The following IQCM variants were observed in gnomAD, a reference collection of about 807,000 sequenced individuals.
The protein encoded by IQCM is IQ motif containing M.
Under a neutral mutation model 57.6 loss-of-function variants are expected in IQCM, and 45 were observed. The ratio of observed to expected loss-of-function variants is 0.78; its 90% CI spans 0.62 to 1.00. The LOEUF (loss-of-function observed/expected upper bound fraction) is 1.00. Ranked by LOEUF, IQCM falls within the 50% of genes least tolerant of loss-of-function variation. The probability of loss-of-function intolerance (pLI) is 0.00; values close to 1 mark genes in which losing one functional copy is unlikely to be tolerated. For synonymous variants in IQCM, 148 were observed against 158.9 expected, an observed-to-expected ratio of 0.93 and a Z score of 0.51; for missense variants, 468 against 511.6, an observed-to-expected ratio of 0.91 and a Z score of 0.82.
intron 8 of IQCM, among the ~76,000 whole-genome samples, chr4:149,606,797 T>G (rs1295839445): frequency 6.6e-6 from 1 of 152,068 alleles, no homozygotes; most frequent in Non-Finnish European, 1.5e-5. Context: ...AGTCCCTCAA[T>G]GCAGAATTGC....
chr4:149,689,492 A>T (rs190956694), intron 5 of IQCM, among the ~76,000 whole-genome samples: 32 of 152,188 alleles, frequency 2.1e-4, no homozygotes, highest in African/African-American at 7.7e-4. Flanking sequence ...ATGTATACCT[A>T]TGTAACAAAC....
At chr4:149,671,233 T>G (rs1360953537) in intron 7 of IQCM, among the ~76,000 whole-genome samples, 1 of 152,180 alleles carries the variant, frequency 6.6e-6, no homozygotes, top group East Asian at 1.9e-4. Context: ...GTCCAGGAAT[T>G]TATCCATTTC....
Position 149,402,776 on chromosome 4 carries a change from A to G in IQCM, c.1390+30620T>C, listed in dbSNP as rs531226138. ...TATGTCGTATAACTATTTAAAATAA[A>G]TTATGCCTTTATTTTTATGGTGCTT... On this transcript the variant is annotated intron_variant, in intron 13 of 13. Transcript: ENST00000636793. Among the ~76,000 whole-genome samples the G allele has an allele frequency of 3.9e-5, 6 of 152,038 alleles. No individual in the cohort carries two copies. In the South Asian group the frequency reaches 1.2e-3, roughly 32 times the overall value.
At chr4:149,525,592 T>C (rs1232735207) in intron 12 of IQCM, among the ~76,000 whole-genome samples, 2 of 151,870 alleles carry the variant, frequency 1.3e-5, no homozygotes, top group Non-Finnish European at 3.0e-5. Context: ...GAAAAATAAG[T>C]TGGACCTCTA....
chr4:149,388,166 TG>T (rs1731558282), intron 13 of IQCM, among the ~76,000 whole-genome samples: 1 of 151,956 alleles, frequency 6.6e-6, no homozygotes, highest in African/African-American at 2.4e-5. Flanking sequence ...AGTTTTATAC[TG>T]ACTTATGTTT....
intron 12 of IQCM, among the ~76,000 whole-genome samples, chr4:149,487,405 T>C (rs932644495): frequency 2.0e-5 from 3 of 152,158 alleles, no homozygotes; most frequent in Non-Finnish European, 2.9e-5. Context: ...GGGGGAGAGA[T>C]GGTGTAAGCA....
intron 8 of IQCM, among the ~76,000 whole-genome samples, chr4:149,589,787 T>A (rs1752962423): frequency 6.6e-6 from 1 of 152,058 alleles, no homozygotes; most frequent in African/African-American, 2.4e-5. Flanking sequence ...CTTTTTTAAA[T>A]GTATGTACAA....
At chr4:149,783,358 CAAAA>C (rs1771789502) in intron 2 of IQCM, among the ~76,000 whole-genome samples, 1 of 152,166 alleles carries the variant, frequency 6.6e-6, no homozygotes, top group African/African-American at 2.4e-5. Flanking sequence ...CAAACGCTCT[CAAAA>C]TTATATCTAG....
At chr4:149,496,967 A>G (rs937198842) in intron 12 of IQCM, among the ~76,000 whole-genome samples, 2 of 152,182 alleles carry the variant, frequency 1.3e-5, no homozygotes, top group Non-Finnish European at 2.9e-5. Context: ...ACAAAAACAA[A>G]TAAGTGTAAT....
At chr4:149,641,540 C>G (rs1466252187) in intron 7 of IQCM, among the ~76,000 whole-genome samples, 1 of 152,022 alleles carries the variant, frequency 6.6e-6, no homozygotes, top group Non-Finnish European at 1.5e-5. Context: ...TGTGTTTTCT[C>G]TTTTTGTAAA....
intron 8 of IQCM, among the ~76,000 whole-genome samples, chr4:149,591,825 GC>G (rs2150009920): frequency 6.6e-6 from 1 of 152,188 alleles, no homozygotes; most frequent in East Asian, 1.9e-4. Context: ...GTGTATATGT[GC>G]CACATTTCCT....
intron 2 of IQCM, among the ~76,000 whole-genome samples, chr4:149,745,833 G>A (rs1250098943): frequency 1.3e-5 from 2 of 152,006 alleles, no homozygotes; most frequent in Non-Finnish European, 2.9e-5. Context: ...TTAGCTGGGT[G>A]GGGTGCATTC....
chr4:149,777,081 G>A (rs1214795954), intron 2 of IQCM, among the ~76,000 whole-genome samples: 2 of 152,054 alleles, frequency 1.3e-5, no homozygotes, highest in East Asian at 3.9e-4. Context: ...ACCTGGTTTG[G>A]AAAATTTCTC....
chr4:149,493,428 G>A lies in IQCM; in HGVS notation c.1228+55027C>T, dbSNP rs549724793. Among the ~76,000 whole-genome samples, 3 of 152,140 alleles carry A rather than the reference G, an allele frequency of 2.0e-5. No homozygotes were observed. In the East Asian group the frequency reaches 5.8e-4, roughly 29 times the overall value. On this transcript the variant is annotated intron_variant, in intron 12 of 13. Coordinates refer to ENST00000636793, the MANE Select transcript of IQCM (RefSeq NM_001363507.2). ...TAATTTTATCATTCTTGGAAAATGT[G>A]TTACCAACTGACATATTTATCACAA...
intron 7 of IQCM, among the ~76,000 whole-genome samples, chr4:149,675,638 G>A (rs1198827180): frequency 2.6e-5 from 4 of 151,992 alleles, no homozygotes; most frequent in African/African-American, 4.8e-5. Context: ...TTTAGTGATC[G>A]CAGGTACCCT....
At chr4:149,505,529 T>C (rs1743715135) in intron 12 of IQCM, among the ~76,000 whole-genome samples, 1 of 152,210 alleles carries the variant, frequency 6.6e-6, no homozygotes, top group African/African-American at 2.4e-5. Flanking sequence ...CATATACAAA[T>C]GTTTTGAAAC....
intron 8 of IQCM, among the ~76,000 whole-genome samples, chr4:149,600,773 T>C (rs1754201003): frequency 6.6e-6 from 1 of 152,188 alleles, no homozygotes; most frequent in Non-Finnish European, 1.5e-5. Flanking sequence ...ACGGATCTGA[T>C]TCCTAGAGAC....
intron 13 of IQCM, among the ~76,000 whole-genome samples, chr4:149,398,329 T>C (rs922202889): frequency 5.3e-5 from 8 of 152,076 alleles, no homozygotes; most frequent in Non-Finnish European, 8.8e-5. Flanking sequence ...TTTCTCAAGA[T>C]TGATTGTTTA....
At chr4:149,392,056 C>T (rs1382296100) in intron 13 of IQCM, among the ~76,000 whole-genome samples, 1 of 150,504 alleles carries the variant, frequency 6.6e-6, no homozygotes, top group African/African-American at 2.4e-5. Flanking sequence ...CTACCCACTA[C>T]TGAAAGTGGG....
Sources: gnomAD v4.1 joint callset for allele counts (sites outside exome capture counted in the v4.1 genomes callset) on GRCh38, gnomAD v4.1.1 for gene constraint, MANE v1.5 for transcripts, NCBI Gene and HGNC (gene_info 2026-07-23, HGNC 2026-07-21) for gene names.